PAAF1: variants seen among roughly 807,000 people sequenced by gnomAD.
PAAF1 encodes proteasomal ATPase associated factor 1.
A neutral mutation model predicts 52.8 loss-of-function variants in PAAF1; 46 were observed. That is an observed-to-expected ratio of 0.87 (90% CI 0.69 to 1.11). PAAF1 has a LOEUF of 1.11. Ranked by LOEUF, PAAF1 falls within the 50% of genes most tolerant of loss-of-function variation. The pLI is 0.00. For synonymous variants in PAAF1, 178 were observed against 172.8 expected, an observed-to-expected ratio of 1.03 and a Z score of -0.24; for missense variants, 424 against 477.4, an observed-to-expected ratio of 0.89 and a Z score of 1.04.
intron 4 of PAAF1, among the ~76,000 whole-genome samples, chr11:73,892,545 C>T (rs1949228309): frequency 1.3e-5 from 2 of 152,136 alleles, no homozygotes; most frequent in African/African-American, 4.8e-5. Context: ...TACTATGAGC[C>T]AGCACTGTGG....
chr11:73,887,379 G>T lies in PAAF1; in HGVS notation c.114G>T (p.Leu38=). 1.2e-6 allele frequency: 2 copies of T among 1,612,626 alleles called. No homozygotes were observed. The highest frequency in any genetic ancestry group is 4.5e-5 in the East Asian group (2 of 44,840). The change falls in exon 3 of 12, where the codon CTG becomes CTT. Residue 38 remains leucine, a synonymous_variant. Transcript: ENST00000310571. ...PPGKPSLYGS[L]TCQGIGLDGI... ...GGAAACCATCTTTGTATGGCAGCCT[G>T]ACTTGTCAAGGAATTGGCCTAGATG...
At chr11:73,899,071 AAG>A in intron 4 of PAAF1, 73 bp from the exon 5 acceptor site, 1 of 1,174,018 alleles carries the variant, frequency 8.5e-7, no homozygotes, top group Non-Finnish European at 1.2e-6. Context: ...GAAAAAAGGG[AAG>A]TTTATAACAT....
chr11:73,918,352 A>ATTTTTTTTTTTT (rs1157984685), intron 9 of PAAF1, among the ~76,000 whole-genome samples: 4 of 71,670 alleles, frequency 5.6e-5, no homozygotes, highest in African/African-American at 5.3e-5. Context: ...CAGTTACTTA[A>ATTTTTTTTTTTT]TTTTTTTTTT....
intron 10 of PAAF1, among the ~76,000 whole-genome samples, chr11:73,920,205 CA>C (rs2135227552): frequency 1.3e-5 from 2 of 152,052 alleles, no homozygotes; most frequent in South Asian, 4.2e-4. Flanking sequence ...AAAGTCACTC[CA>C]AAATATAATA....
chr11:73,876,716 G>A (rs1008778563), upstream of PAAF1: 18 of 285,440 alleles, frequency 6.3e-5, no homozygotes, highest in Non-Finnish European at 1.2e-4. Flanking sequence ...GCCCCGTTGT[G>A]CCCGCAACGC....
intron 10 of PAAF1, chr11:73,921,992 G>A (rs1950231807): frequency 1.2e-6 from 1 of 826,702 alleles, no homozygotes; most frequent in African/African-American, 1.7e-5. Flanking sequence ...CGTATATCAA[G>A]GTCCTGTCAG....
intron 11 of PAAF1, 60 bp from the exon 12 acceptor site, chr11:73,927,225 C>A: frequency 7.7e-7 from 1 of 1,295,190 alleles, no homozygotes; most frequent in Non-Finnish European, 1.1e-6. Context: ...CATAAGCCTC[C>A]ATCTTTTTGA....
Position 73,913,369 on chromosome 11 carries a change from C to T in PAAF1, c.728-1044C>T, listed in dbSNP as rs147760602. Reference sequence around the variant, plus strand: ...CAGCACTTTGGGAGGCTGAGGTGGGCGAATTGCTCGAGCCCAGGAGTTCAA... The same window carrying T: ...CAGCACTTTGGGAGGCTGAGGTGGGTGAATTGCTCGAGCCCAGGAGTTCAA... On this transcript the variant is annotated intron_variant, in intron 7 of 11. Coordinates refer to ENST00000310571, the MANE Select transcript of PAAF1 (RefSeq NM_025155.3). 1.1e-4 allele frequency among the ~76,000 whole-genome samples: 17 copies of T among 151,996 alleles called. No individual in the cohort carries two copies. In the East Asian group the frequency reaches 2.9e-3, roughly 26 times the overall value.
intron 6 of PAAF1, among the ~76,000 whole-genome samples, chr11:73,908,307 GTA>G (rs201135154): frequency 6.2e-4 from 88 of 143,074 alleles, no homozygotes; most frequent in African/African-American, 1.8e-3. Flanking sequence ...GTGTATATAT[GTA>G]TATATATGTG....
At position 73,914,428 on chromosome 11, in the gene PAAF1, G is replaced by A; in HGVS notation, c.743G>A (p.Gly248Glu). 1 of 1,614,048 alleles carries A rather than the reference G, an allele frequency of 6.2e-7. No individual in the cohort carries two copies. Among genetic ancestry groups the A allele is most frequent in the South Asian group, 1.1e-5 (1 of 91,078 alleles). ...PEQMPSEREV[G>E]TEAKMLLLAR... ...TGTCATGCAGGTGAACGGGAGGTTG[G>A]AACAGAGGCCAAAATGCTGCTCTTG... Residue 248 changes from glycine (G) to glutamate (E), a missense_variant, in exon 8 of 12, where the codon GGA becomes GAA. By Grantham distance (98) the Gly-to-Glu change is moderately conservative (BLOSUM62 -2). Transcript: ENST00000310571.
chr11:73,909,559 C>T lies in PAAF1; in HGVS notation c.693C>T (p.Asn231=). The T allele has an allele frequency of 1.2e-6, 2 of 1,614,130 alleles. No individual in the cohort carries two copies. The part of the protein sequence containing the change: ...INGVAVGAAD[N]SINLGSPEQM... Reference sequence around the variant, plus strand: ...GAGTGGCGGTGGGTGCTGCTGACAACTCCATAAACCTTGGCTCCCCTGAGC... The same window carrying T: ...GAGTGGCGGTGGGTGCTGCTGACAATTCCATAAACCTTGGCTCCCCTGAGC... The change falls in exon 7 of 12, where the codon AAC becomes AAT. Residue 231 remains asparagine, a synonymous_variant. Transcript: ENST00000310571.
At position 73,930,377 on chromosome 11, in the gene PAAF1, A is replaced by G. The variant is rs1591150703; in HGVS notation, c.*3015A>G. ...AGAGCGAGGCTCTATCTCAAGAAAA[A>G]AAAAAAGAAAAAAAGAAAACAGGAA... On this transcript the variant is annotated 3_prime_UTR_variant, in exon 12 of 12. Coordinates refer to ENST00000310571, the MANE Select transcript of PAAF1 (RefSeq NM_025155.3). 1.3e-5 allele frequency: 2 copies of G among 151,934 alleles called. No homozygotes were observed. Among genetic ancestry groups the G allele is most frequent in the Admixed American group, 1.3e-4 (2 of 15,236 alleles). The allele number at this position is 151,934 out of a possible 1,614,324, so 9.4% of individuals were successfully genotyped here.
At chr11:73,886,518 A>G (rs997449037) in intron 2 of PAAF1, among the ~76,000 whole-genome samples, 14 of 151,948 alleles carry the variant, frequency 9.2e-5, no homozygotes, top group Admixed American at 3.9e-4. Flanking sequence ...TACTAAAAAT[A>G]CAAAAAATTA....
intron 2 of PAAF1, among the ~76,000 whole-genome samples, chr11:73,885,245 TCTC>T (rs1460526832): frequency 2.6e-5 from 4 of 151,918 alleles, no homozygotes; most frequent in South Asian, 4.2e-4. Context: ...TTCAAGGTAT[TCTC>T]CTGCTTCAGC....
intron 10 of PAAF1, chr11:73,922,207 G>C (rs1591133953): frequency 1.3e-6 from 1 of 783,646 alleles, no homozygotes; most frequent in Non-Finnish European, 2.2e-6. Context: ...GTGGCGCCCG[G>C]GTTTCAACCC....
Position 73,929,463 on chromosome 11 carries a change from A to G in PAAF1, c.*2101A>G, listed in dbSNP as rs1389418900. ...TAATATCTACTCTGTTCTAGATACT[A>G]TATTTATATATCTAATTCTTACAAG... On this transcript the variant is annotated 3_prime_UTR_variant, in exon 12 of 12. Transcript: ENST00000310571. 1.3e-5 allele frequency: 2 copies of G among 152,236 alleles called. No individual in the cohort carries two copies. Among genetic ancestry groups the G allele is most frequent in the Non-Finnish European group, 2.9e-5 (2 of 68,030 alleles). 9.4% of individuals were successfully genotyped at this position (152,236 alleles called of 1,614,324 possible).
At chr11:73,898,580 G>A (rs1949498060) in intron 4 of PAAF1, among the ~76,000 whole-genome samples, 2 of 152,140 alleles carry the variant, frequency 1.3e-5, no homozygotes, top group Non-Finnish European at 2.9e-5. Flanking sequence ...ACTCTGGGAG[G>A]CTGAGATGGG....
At chr11:73,926,017 ACTATCT>A (rs1424608192) in intron 11 of PAAF1, among the ~76,000 whole-genome samples, 2 of 149,404 alleles carry the variant, frequency 1.3e-5, no homozygotes, top group African/African-American at 4.9e-5. Flanking sequence ...CGTAATTGAG[ACTATCT>A]CTATATATTG....
intron 1 of PAAF1, chr11:73,877,283 A>C: frequency 2.5e-6 from 1 of 406,632 alleles, no homozygotes. Context: ...GAGCTGTGTG[A>C]TCCCCGCGTC....
Sources: allele counts gnomAD v4.1 joint callset (sites outside exome capture counted in the v4.1 genomes callset), GRCh38; gene constraint gnomAD v4.1.1; transcripts MANE v1.5; gene names NCBI Gene and HGNC (gene_info 2026-07-23, HGNC 2026-07-21).